SH3RF3: variants seen among roughly 807,000 people sequenced by gnomAD.
The protein encoded by SH3RF3 is SH3 domain containing ring finger 3, also known as E3 ubiquitin-protein ligase SH3RF3.
In SH3RF3, 29 loss-of-function variants were observed where a neutral mutation model predicts 66.3. The ratio of observed to expected loss-of-function variants is 0.44; its 90% CI spans 0.33 to 0.60. SH3RF3 has a LOEUF of 0.60. Among genes scored for constraint, SH3RF3 ranks in the 20% least tolerant of loss-of-function variants. The probability of loss-of-function intolerance (pLI) is 0.04; values close to 1 mark genes in which losing one functional copy is unlikely to be tolerated. For synonymous variants in SH3RF3, 583 were observed against 532.0 expected (o/e 1.10, Z -1.32); for missense variants, 1,194 against 1,190.9 (o/e 1.00, Z -0.04).
rs1435239413 is a variant in SH3RF3 at position 109,432,585 on chromosome 2, G to A, written c.1488G>A (p.Lys496=). ...GAGAGATGTACCGGGTCCTCGAGAA[G>A]TGTCAGGATGGCTGGTTCAAGGGGG... ...HKGEMYRVLE[K]CQDGWFKGAS... is the part of the protein sequence containing the mutation. The change falls in exon 6 of 10, where the codon AAG becomes AAA. Residue 496 remains lysine (K), a synonymous_variant. Coordinates refer to ENST00000309415, the MANE Select transcript of SH3RF3 (RefSeq NM_001099289.3). 6.2e-7 allele frequency: 1 copy of A among 1,613,536 alleles called. No homozygotes were observed. Among genetic ancestry groups the A allele is most frequent in the Admixed American group, 1.7e-5 (1 of 59,946 alleles).
At chr2:109,293,077 C>T (rs563786283) in intron 1 of SH3RF3, among the ~76,000 whole-genome samples, 6 of 152,168 alleles carry the variant, frequency 3.9e-5, no homozygotes, top group Non-Finnish European at 7.3e-5. Flanking sequence ...GGGAGGGTCC[C>T]TGCACAAGCA....
intron 1 of SH3RF3, among the ~76,000 whole-genome samples, chr2:109,219,398 C>T (rs971172036): frequency 6.6e-6 from 1 of 151,704 alleles, no homozygotes; most frequent in Non-Finnish European, 1.5e-5. Context: ...TTTAGTATTG[C>T]AAAAGGAGGA....
chr2:109,178,445 T>C (rs1227741112), intron 1 of SH3RF3, among the ~76,000 whole-genome samples: 1 of 152,212 alleles, frequency 6.6e-6, no homozygotes, highest in African/African-American at 2.4e-5. Flanking sequence ...CTCTAGATGG[T>C]CTCCTGTAGC....
At chr2:109,500,222 T>C (rs1351496681) in intron 9 of SH3RF3, among the ~76,000 whole-genome samples, 1 of 152,102 alleles carries the variant, frequency 6.6e-6, no homozygotes, top group African/African-American at 2.4e-5. Flanking sequence ...GTTCAAGTTG[T>C]TATAGGCAGA....
intron 4 of SH3RF3, among the ~76,000 whole-genome samples, chr2:109,399,160 C>T (rs565561350): frequency 4.6e-5 from 7 of 152,166 alleles, no homozygotes; most frequent in South Asian, 2.1e-4. Context: ...AAGATGGCCT[C>T]GTGGTGTGTG....
chr2:109,485,739 A>G (rs1678951151), intron 8 of SH3RF3, among the ~76,000 whole-genome samples: 1 of 152,262 alleles, frequency 6.6e-6, no homozygotes, highest in Admixed American at 6.5e-5. Flanking sequence ...GTAAGCACAC[A>G]AACACACATG....
At chr2:109,377,977 C>T (rs367578280) in intron 3 of SH3RF3, among the ~76,000 whole-genome samples, 2 of 152,256 alleles carry the variant, frequency 1.3e-5, no homozygotes, top group African/African-American at 4.8e-5. Context: ...ACTCCGCGTT[C>T]TGCACTACCT....
At chr2:109,196,024 C>T (rs1678491098) in intron 1 of SH3RF3, among the ~76,000 whole-genome samples, 1 of 152,226 alleles carries the variant, frequency 6.6e-6, no homozygotes, top group Non-Finnish European at 1.5e-5. Flanking sequence ...GTACGCACAC[C>T]TGTTTTTCCA....
intron 1 of SH3RF3, among the ~76,000 whole-genome samples, chr2:109,251,192 G>C (rs1214117992): frequency 1.3e-5 from 2 of 151,776 alleles, no homozygotes; most frequent in Non-Finnish European, 2.9e-5. Context: ...TAGTAGAGAT[G>C]GGGTTTCACC....
At chr2:109,452,684 G>A (rs925034327) in intron 8 of SH3RF3, among the ~76,000 whole-genome samples, 1 of 152,248 alleles carries the variant, frequency 6.6e-6, no homozygotes, top group Admixed American at 6.5e-5. Context: ...TGTGGTGTCA[G>A]TGGCTATGGT....
At position 109,436,996 on chromosome 2, in the gene SH3RF3, A is replaced by G. The variant is rs1471589948; in HGVS notation, c.1678A>G (p.Ser560Gly). The G allele has an allele frequency of 6.2e-7, 1 of 1,613,850 alleles. No individual in the cohort carries two copies. Among genetic ancestry groups the G allele is most frequent in the Non-Finnish European group, 8.5e-7 (1 of 1,179,892 alleles). The change falls in exon 7 of 10, where the codon AGC becomes GGC. Residue 560 changes from serine (S) to glycine (G), a missense_variant. Physicochemically the swap from Ser to Gly is moderately conservative, Grantham distance 56. Transcript: ENST00000309415. ...TTMHPGSGSL[S>G]SLATATRPAL... ...CATGCACCCAGGCAGTGGGAGTCTG[A>G]GCAGCCTGGCCACTGCCACCAGGCC...
At chr2:109,338,759 T>C (rs1480936804) in intron 1 of SH3RF3, among the ~76,000 whole-genome samples, 1 of 152,154 alleles carries the variant, frequency 6.6e-6, no homozygotes, top group African/African-American at 2.4e-5. Flanking sequence ...AGTTTCACCA[T>C]GTTGGCCAGG....
At chr2:109,251,408 A>G (rs539585225) in intron 1 of SH3RF3, 9 of 696,260 alleles carry the variant, frequency 1.3e-5, no homozygotes, top group Admixed American at 8.9e-5. Flanking sequence ...CTGTGAGTGC[A>G]TGGAGTAGAC....
chr2:109,149,200 C>T (rs1207876363), intron 1 of SH3RF3, among the ~76,000 whole-genome samples: 1 of 152,134 alleles, frequency 6.6e-6, no homozygotes, highest in Admixed American at 6.5e-5. Context: ...CACTGCTGTC[C>T]TTGGTCCACA....
intron 2 of SH3RF3, among the ~76,000 whole-genome samples, chr2:109,362,150 T>C (rs1344876710): frequency 6.6e-6 from 1 of 152,168 alleles, no homozygotes; most frequent in African/African-American, 2.4e-5. Flanking sequence ...AAAGTGAAGA[T>C]TTAGATTATT....
At chr2:109,190,069 G>A (rs558921738) in intron 1 of SH3RF3, among the ~76,000 whole-genome samples, 2 of 152,334 alleles carry the variant, frequency 1.3e-5, no homozygotes, top group Admixed American at 6.5e-5. Flanking sequence ...TGTAATTGTC[G>A]TTGCTTTAAA....
At chr2:109,359,162 G>A (rs191363474) in intron 2 of SH3RF3, among the ~76,000 whole-genome samples, 2 of 152,278 alleles carry the variant, frequency 1.3e-5, no homozygotes, top group Admixed American at 1.3e-4. Flanking sequence ...GCCAATGACA[G>A]ACTGTCTTCA....
chr2:109,138,594 CGCT>C (rs1676866772), intron 1 of SH3RF3, among the ~76,000 whole-genome samples: 1 of 152,166 alleles, frequency 6.6e-6, no homozygotes, highest in African/African-American at 2.4e-5. Context: ...CTGGGCAGCC[CGCT>C]GCTGCTGGTT....
chr2:109,346,262 A>G (rs191624869), intron 1 of SH3RF3, among the ~76,000 whole-genome samples: 98 of 152,220 alleles, frequency 6.4e-4, no homozygotes, highest in Admixed American at 7.2e-4. Flanking sequence ...CTGTTTGTCA[A>G]TTTGCCAGCA....
Sources: allele counts gnomAD v4.1 joint callset (sites outside exome capture counted in the v4.1 genomes callset), GRCh38; gene constraint gnomAD v4.1.1; transcripts MANE v1.5; gene names NCBI Gene and HGNC (gene_info 2026-07-23, HGNC 2026-07-21).